Variants in ZNF292 observed in about 807,000 individuals in gnomAD.
ZNF292 encodes 16 zinc-finger domain protein.
A neutral mutation model predicts 217.9 loss-of-function variants in ZNF292; 26 were observed. That is an observed-to-expected ratio of 0.12 (90% CI 0.09 to 0.17). The LOEUF is 0.17. Ranked by LOEUF, ZNF292 falls within the 10% of genes least tolerant of loss-of-function variation. The pLI is 1.00. For synonymous variants in ZNF292, 1,257 were observed against 1,124.1 expected (o/e 1.12, Z -2.37); for missense variants, 2,904 against 3,175.2 (o/e 0.91, Z 2.05).
In ZNF292 at chr6:87,258,754, A is replaced by G; in HGVS notation, c.5125A>G (p.Ser1709Gly). The change falls in exon 8 of 8, where the codon AGT (serine) becomes GGT (glycine). Residue 1709 changes from serine (S) to glycine (G), a missense_variant. By Grantham distance (56) the Ser-to-Gly change is moderately conservative. This residue lies in a region of ZNF292 where 622 missense variants were observed against 573.1 expected (regional missense o/e 1.09). Coordinates refer to ENST00000369577, the MANE Select transcript of ZNF292 (RefSeq NM_015021.3). Reference protein sequence around the residue: ...MTDVKENFKTSLESHTVLAPL... With the variant: ...MTDVKENFKTGLESHTVLAPL... The stretch of plus-strand genomic sequence containing the variant: ...TGATGTAAAAGAGAATTTCAAAACC[A>G]GTCTTGAGTCCCATACAGTGTTAGC... 6.2e-7 allele frequency: 1 copy of G among 1,613,508 alleles called. No individual in the cohort carries two copies. The highest frequency in any genetic ancestry group is 1.1e-5 in the South Asian group (1 of 91,066).
Position 87,257,230 on chromosome 6 carries a change from A to G in ZNF292, c.3601A>G (p.Thr1201Ala), listed in dbSNP as rs1364682775. 1.9e-6 allele frequency: 3 copies of G among 1,613,644 alleles called. No individual in the cohort carries two copies. Among genetic ancestry groups the G allele is most frequent in the African/African-American group, 1.3e-5 (1 of 74,892 alleles). ...IFPAHLASVSTPLLSSMESVI... is the reference protein window; with the variant it reads ...IFPAHLASVSAPLLSSMESVI... ...TCCAGCTCATTTAGCAAGTGTGTCA[A>G]CTCCATTGTTGTCCTCAATGGAAAG... Residue 1201 changes from threonine to alanine, a missense_variant, in exon 8 of 8, where the codon ACT (threonine) becomes GCT (alanine). This residue lies in a region of ZNF292 where 687 missense variants were observed against 623.0 expected (regional missense o/e 1.10). Transcript: ENST00000369577.
chr6:87,201,171 T>C (rs1021136029), intron 1 of ZNF292, among the ~76,000 whole-genome samples: 6 of 152,238 alleles, frequency 3.9e-5, no homozygotes, highest in Non-Finnish European at 8.8e-5. Context: ...TTTTGTATTA[T>C]GCATATGGCA....
chr6:87,260,584 A>G lies in ZNF292; in HGVS notation c.6955A>G (p.Lys2319Glu), dbSNP rs1775517358. The G allele has an allele frequency of 6.2e-7, 1 of 1,613,142 alleles. No individual in the cohort carries two copies. Among genetic ancestry groups the G allele is most frequent in the East Asian group, 2.2e-5 (1 of 44,872 alleles). Residue 2319 changes from lysine to glutamate, a missense_variant, in exon 8 of 8, where the codon AAG (lysine) becomes GAG (glutamate). By Grantham distance (56) the Lys-to-Glu change is moderately conservative. This residue lies in a region of ZNF292 where 101 missense variants were observed against 89.5 expected (regional missense o/e 1.13). Coordinates refer to ENST00000369577, the MANE Select transcript of ZNF292 (RefSeq NM_015021.3). ...EKSKSKHRGTKHSRCGKEGIK... is the reference protein window; with the variant it reads ...EKSKSKHRGTEHSRCGKEGIK... ...ATCAAAGTCTAAACATCGGGGGACC[A>G]AGCACAGCAGATGTGGAAAGGAAGG...
chr6:87,224,929 C>T (rs1773266210), intron 4 of ZNF292, among the ~76,000 whole-genome samples: 3 of 151,950 alleles, frequency 2.0e-5, no homozygotes. Context: ...CTGTGTTTAG[C>T]TTTGAAAAAA....
At chr6:87,185,289 G>A (rs1419623348) in intron 1 of ZNF292, among the ~76,000 whole-genome samples, 1 of 152,104 alleles carries the variant, frequency 6.6e-6, no homozygotes, top group Non-Finnish European at 1.5e-5. Context: ...CGACTGTCAG[G>A]ATTTTGACAT....
intron 1 of ZNF292, among the ~76,000 whole-genome samples, chr6:87,156,062 T>A (rs1483074232): frequency 3.3e-5 from 5 of 152,248 alleles, no homozygotes. Context: ...ACGGTGCGGA[T>A]TGGAGAGAGT....
At chr6:87,170,072 A>G (rs1398355463) in intron 1 of ZNF292, 3 of 121,226 alleles carry the variant, frequency 2.5e-5, no homozygotes, top group Non-Finnish European at 3.4e-5. Context: ...AAAACTTAAA[A>G]CATTATACAT....
rs562511220 is a variant in ZNF292, at chr6:87,186,692, C to G, written c.169-29211C>G. Among the ~76,000 whole-genome samples the G allele has an allele frequency of 3.9e-5, 6 of 152,188 alleles. No homozygotes were observed. In the South Asian group the frequency reaches 1.2e-3, roughly 32 times the overall value. On this transcript the variant is annotated intron_variant, in intron 1 of 7. Coordinates refer to ENST00000369577, the MANE Select transcript of ZNF292 (RefSeq NM_015021.3). ...CCAGGAGATTGAGGCTGCAGTGAGC[C>G]GTGATCATGCCACAGCACTACAGCC... is the stretch of plus-strand genomic sequence containing the variant.
chr6:87,219,125 T>G (rs1562149309), intron 4 of ZNF292, among the ~76,000 whole-genome samples: 1 of 152,216 alleles, frequency 6.6e-6, no homozygotes, highest in Non-Finnish European at 1.5e-5. Flanking sequence ...CTTTTGTCTC[T>G]AAGATTAAAA....
intron 1 of ZNF292, among the ~76,000 whole-genome samples, chr6:87,214,584 T>G (rs916457706): frequency 2.0e-5 from 3 of 152,074 alleles, no homozygotes; most frequent in Non-Finnish European, 4.4e-5. Context: ...GTGGAGTTGG[T>G]TTTGGACCTA....
Position 87,255,182 on chromosome 6 carries a change from AGAG to A in ZNF292, c.1554_1556del (p.Arg519del). ...GACATTGGTGATGAAAAGCAGAAGA[AGAG>A]AGAGATAAAACAGTTAAGAGAGAGG... On this transcript the variant is annotated inframe_deletion, in exon 8 of 8. Coordinates refer to ENST00000369577, the MANE Select transcript of ZNF292 (RefSeq NM_015021.3). 6.2e-7 allele frequency: 1 copy of A among 1,613,874 alleles called. No homozygotes were observed. The highest frequency in any genetic ancestry group is 8.5e-7 in the Non-Finnish European group (1 of 1,179,834).
chr6:87,192,200 C>T (rs1017642982), intron 1 of ZNF292, among the ~76,000 whole-genome samples: 1 of 152,072 alleles, frequency 6.6e-6, no homozygotes, highest in African/African-American at 2.4e-5. Context: ...TTATGGTTTA[C>T]GGATTGATTT....
Position 87,216,031 on chromosome 6 carries a change from A to C in ZNF292, c.297A>C (p.Val99=). Residue 99 remains valine, a synonymous_variant, in exon 2 of 8, where the codon GTA becomes GTC. Coordinates refer to ENST00000369577, the MANE Select transcript of ZNF292 (RefSeq NM_015021.3). ...ATCTTACCTCTGAATGTGAAAATGT[A>C]GCCTTGGTTCTGGAACGCTTGGCAT... The part of the protein sequence containing the change: ...RPYLTSECEN[V]ALVLERLALS... 6.4e-7 allele frequency: 1 copy of C among 1,572,032 alleles called. No individual in the cohort carries two copies. Among genetic ancestry groups the C allele is most frequent in the Non-Finnish European group, 8.6e-7 (1 of 1,165,926 alleles).
At chr6:87,187,289 C>G (rs1771693412) in intron 1 of ZNF292, among the ~76,000 whole-genome samples, 2 of 151,956 alleles carry the variant, frequency 1.3e-5, no homozygotes, top group South Asian at 4.1e-4. Context: ...ACTCACTTTA[C>G]TAAATCTCTG....
chr6:87,212,915 G>A (rs1040777467), intron 1 of ZNF292, among the ~76,000 whole-genome samples: 3 of 152,124 alleles, frequency 2.0e-5, no homozygotes, highest in African/African-American at 7.2e-5. Context: ...CTTTATTTGA[G>A]GGCTGTTTAG....
chr6:87,261,759 A>G lies in ZNF292; in HGVS notation c.8130A>G (p.Lys2710=), dbSNP rs930838514. 1.9e-6 allele frequency: 3 copies of G among 1,612,916 alleles called. No homozygotes were observed. The highest frequency in any genetic ancestry group is 1.1e-5 in the South Asian group (1 of 91,030). ...ATGATCCAGATATGTCTGTTATGAA[A>G]GATATCAGTATAGGTAAAGCCACAG... ...HSNDPDMSVM[K]DISIGKATGR... Residue 2710 remains lysine (K), a synonymous_variant, in exon 8 of 8, where the codon AAA becomes AAG. Coordinates refer to ENST00000369577, the MANE Select transcript of ZNF292 (RefSeq NM_015021.3).
chr6:87,216,072 G>C lies in ZNF292; in HGVS notation c.323+15G>C, dbSNP rs1394497164. ...CGCTTGGCATTGTGAGTAGACCTTTGAGTAAATAAACTAGATTTAGCTTTA... is the reference window on the plus strand; with the variant it reads ...CGCTTGGCATTGTGAGTAGACCTTTCAGTAAATAAACTAGATTTAGCTTTA... On this transcript the variant is annotated intron_variant, in intron 2 of 7. Transcript: ENST00000369577. 6.5e-6 allele frequency: 10 copies of C among 1,531,556 alleles called. No individual in the cohort carries two copies. The highest frequency in any genetic ancestry group is 7.9e-6 in the Non-Finnish European group (9 of 1,144,270). 94.9% of individuals were successfully genotyped at this position (1,531,556 alleles called of 1,614,324 possible).
At chr6:87,230,778 C>T (rs1456437786) in intron 4 of ZNF292, among the ~76,000 whole-genome samples, 1 of 151,334 alleles carries the variant, frequency 6.6e-6, no homozygotes, top group Non-Finnish European at 1.5e-5. Context: ...GGCTCTTTTA[C>T]ATTTTTAATC....
Position 87,255,782 on chromosome 6 carries a change from A to G in ZNF292, c.2153A>G (p.Gln718Arg). ...NEDAKRFLEM[Q>R]SKKVICQYCR... ...GACGCCAAGCGCTTTCTTGAAATGC[A>G]GAGCAAAAAAGTTATTTGCCAGTAC... Residue 718 changes from glutamine to arginine, a missense_variant, in exon 8 of 8, where the codon CAG becomes CGG. By Grantham distance (43) the Gln-to-Arg change is conservative. Around this residue, in one of 15 missense-constraint regions of ZNF292, gnomAD observed 216 missense variants for 308.3 expected, o/e 0.70. Coordinates refer to ENST00000369577, the MANE Select transcript of ZNF292 (RefSeq NM_015021.3). 3 of 1,613,902 alleles carry G rather than the reference A, an allele frequency of 1.9e-6. No individual in the cohort carries two copies. Among genetic ancestry groups the G allele is most frequent in the Non-Finnish European group, 2.5e-6 (3 of 1,179,860 alleles).
Sources: gnomAD v4.1 joint callset for allele counts (sites outside exome capture counted in the v4.1 genomes callset) on GRCh38, gnomAD v4.1.1 for gene constraint, gnomAD v4.1.1 regional missense constraint, MANE v1.5 for transcripts, NCBI Gene and HGNC (gene_info 2026-07-23, HGNC 2026-07-21) for gene names.